YTHDF2: variants seen among roughly 807,000 people sequenced by gnomAD.
YTHDF2 encodes the protein YTH domain-containing family protein 2.
In YTHDF2, 2 loss-of-function variants were observed where a neutral mutation model predicts 50.4. That is an observed-to-expected ratio of 0.04 (90% CI 0.02 to 0.12). YTHDF2 has a LOEUF of 0.12. Among genes scored for constraint, YTHDF2 ranks in the 10% least tolerant of loss-of-function variants. The pLI, the probability that YTHDF2 is intolerant of heterozygous loss-of-function variation, is 1.00. For missense variants in YTHDF2, 483 were observed against 722.6 expected (o/e 0.67, Z 3.80); for synonymous variants, 217 against 255.6 (o/e 0.85, Z 1.44).
chr1:28,744,682 CT>C (rs1036173724), intron 4 of YTHDF2, among the ~76,000 whole-genome samples: 3 of 151,784 alleles, frequency 2.0e-5, no homozygotes, highest in African/African-American at 7.3e-5. Context: ...TTTATACTTA[CT>C]TTTTTTTGGA....
Position 28,762,351 on chromosome 1 carries a change from C to G in YTHDF2, c.1717-6578C>G, listed in dbSNP as rs1035073676. Among the ~76,000 whole-genome samples the G allele has an allele frequency of 3.3e-5, 5 of 152,268 alleles. 1 individual carries two copies. The South Asian group carries it at 1.0e-3, about 32-fold the overall frequency. On this transcript the variant is annotated intron_variant, in intron 4 of 4. Transcript: ENST00000373812. ...AGCTTGCAGTGAGTGGAGATTGTGC[C>G]ACGGCACTCCAGTCTGGGCAACAGA...
In YTHDF2 at chr1:28,766,339, ACTCCTGTGCTCAAGCTATCTG is replaced by A. The variant is rs2088215653; in HGVS notation, c.1717-2588_1717-2568del. ...GCCAGGTTGCCCAGGCTGGTCTTGA[ACTCCTGTGCTCAAGCTATCTG>A]CCAGCTTCCGCCTCCCAGAGTGCTG... is the stretch of plus-strand genomic sequence containing the variant. On this transcript the variant is annotated intron_variant, in intron 4 of 4. Coordinates refer to ENST00000373812, the MANE Select transcript of YTHDF2 (RefSeq NM_016258.3). Among the ~76,000 whole-genome samples the A allele has an allele frequency of 2.0e-5, 3 of 151,480 alleles. No homozygotes were observed. The South Asian group carries it at 6.2e-4, about 32-fold the overall frequency.
At chr1:28,740,564 AGTTTAATCT>A (rs1443304676) in intron 3 of YTHDF2, among the ~76,000 whole-genome samples, 4 of 152,284 alleles carry the variant, frequency 2.6e-5, no homozygotes, top group Non-Finnish European at 4.4e-5. Context: ...TAATACTTCA[AGTTTAATCT>A]GTTGATTATA....
intron 4 of YTHDF2, among the ~76,000 whole-genome samples, chr1:28,750,562 T>C (rs1395915699): frequency 6.6e-6 from 1 of 152,138 alleles, no homozygotes; most frequent in Non-Finnish European, 1.5e-5. Context: ...GAAGATGAAT[T>C]TGTCCTTTGA....
Position 28,743,111 on chromosome 1 carries a change from A to G in YTHDF2, c.841A>G (p.Lys281Glu). The G allele has an allele frequency of 6.2e-7, 1 of 1,614,164 alleles. No individual in the cohort carries two copies. The highest frequency in any genetic ancestry group is 8.5e-7 in the Non-Finnish European group (1 of 1,180,030). The change falls in exon 4 of 5, where the codon AAG becomes GAG. Residue 281 changes from lysine to glutamate, a missense_variant. Around this residue, in one of 4 missense-constraint regions of YTHDF2, gnomAD observed 385 missense variants for 475.8 expected, o/e 0.81. Coordinates refer to ENST00000373812, the MANE Select transcript of YTHDF2 (RefSeq NM_016258.3). This position sits in a 1 kb window ranked among gnomAD's most constrained non-coding sequence, Gnocchi z 6.9. ...CATGGATATTGGAACTTGGGATAAC[A>G]AGGGTCCCGTTGCAAAAGCCCCCTC... ...HNMDIGTWDNKGPVAKAPSQA... is the reference protein window; with the variant it reads ...HNMDIGTWDNEGPVAKAPSQA...
At chr1:28,737,281 C>T (rs962641840) in intron 1 of YTHDF2, 134 bp downstream of exon 1, 6 of 1,218,980 alleles carry the variant, frequency 4.9e-6, no homozygotes, top group East Asian at 6.0e-5. Flanking sequence ...TCGGGCCTCT[C>T]AGGCCGGCCG....
chr1:28,749,179 C>CTTTTTT (rs60729215), intron 4 of YTHDF2, among the ~76,000 whole-genome samples: 58 of 107,418 alleles, frequency 5.4e-4, no homozygotes, highest in African/African-American at 1.9e-3. Context: ...TTCTTTCTTC[C>CTTTTTT]TTTTTTTTTT....
Position 28,737,311 on chromosome 1 carries a change from A to T in YTHDF2, c.27+164A>T, listed in dbSNP as rs563065391. ...CGGCCGCGCCCGGCGCCTCTCCCTC[A>T]GCCTGTTCTTCCCGCTTCTCCTCGG... On this transcript the variant is annotated intron_variant, in intron 1 of 4. Transcript: ENST00000373812. 3.8e-4 allele frequency: 340 copies of T among 904,868 alleles called. 1 individual carries two copies. The African/African-American group carries it at 5.3e-3, about 14-fold the overall frequency. 56.1% of individuals were successfully genotyped at this position (904,868 alleles called of 1,614,324 possible). A position where few individuals can be genotyped will look rare whatever the true frequency, so the allele number is the denominator to read the frequency against.
At chr1:28,738,815 C>G (rs536257257) in intron 3 of YTHDF2, among the ~76,000 whole-genome samples, 31 of 152,304 alleles carry the variant, frequency 2.0e-4, no homozygotes, top group African/African-American at 6.5e-4. Flanking sequence ...GGTTCACCTC[C>G]TTAATACCTA....
intron 4 of YTHDF2, among the ~76,000 whole-genome samples, chr1:28,760,271 TTGTG>T (rs28969505): frequency 0.066 from 9,709 of 147,188 alleles, 417 homozygotes; most frequent in Admixed American, 0.1. Context: ...ACATAGTAGG[TTGTG>T]TGTGTGTGTG....
intron 2 of YTHDF2, 91 bp from the exon 3 acceptor site, chr1:28,738,168 G>A: frequency 1.0e-6 from 1 of 990,858 alleles, no homozygotes; most frequent in Non-Finnish European, 1.6e-6. Flanking sequence ...TTGTTAACTA[G>A]TAAGGTTTTT....
rs781558919 is a variant in YTHDF2 at position 28,737,138 on chromosome 1, C to G, written c.18C>G (p.Leu6=). 1.9e-6 allele frequency: 3 copies of G among 1,600,550 alleles called. No individual in the cohort carries two copies. The highest frequency in any genetic ancestry group is 2.6e-6 in the Non-Finnish European group (3 of 1,175,476). ...TGAGAGCCATGTCGGCCAGCAGCCT[C>G]TTGGAGCAGGTACAGGCCCGGCCCG... MSASS[L]LEQRPKGQGN... The change falls in exon 1 of 5, where the codon CTC becomes CTG. Residue 6 remains leucine, a synonymous_variant. Transcript: ENST00000373812.
rs569693049 is a variant in YTHDF2 at position 28,742,627 on chromosome 1, G to T, written c.357G>T (p.Gln119His). 3.1e-6 allele frequency: 5 copies of T among 1,614,082 alleles called. No homozygotes were observed. Among genetic ancestry groups the T allele is most frequent in the Non-Finnish European group, 3.4e-6 (4 of 1,179,990 alleles). ...TAGGTAGCACTCCATTTCTTGGTCA[G>T]CATGGTTTTAATTTCTTTCCCAGTG... is the stretch of plus-strand genomic sequence containing the variant. ...GALGSTPFLGQHGFNFFPSGI... is the reference protein window; with the variant it reads ...GALGSTPFLGHHGFNFFPSGI... Residue 119 changes from glutamine to histidine, a missense_variant, in exon 4 of 5, where the codon CAG (glutamine) becomes CAT (histidine). Physicochemically the swap from Gln to His is conservative, Grantham distance 24. Around this residue, in one of 4 missense-constraint regions of YTHDF2, gnomAD observed 385 missense variants for 475.8 expected, o/e 0.81. Transcript: ENST00000373812.
chr1:28,736,919 C>G, upstream of YTHDF2: 1 of 583,516 alleles, frequency 1.7e-6, no homozygotes, highest in Non-Finnish European at 2.9e-6. Flanking sequence ...AGCATAGAGA[C>G]GGGCATTGAG....
intron 4 of YTHDF2, among the ~76,000 whole-genome samples, chr1:28,749,838 TTGAGTTAC>T (rs1363262190): frequency 6.6e-6 from 1 of 151,696 alleles, no homozygotes; most frequent in East Asian, 1.9e-4. Context: ...GAGGAGAGAG[TTGAGTTAC>T]AGAGGAAGTG....
chr1:28,761,661 C>T (rs573409712), intron 4 of YTHDF2, among the ~76,000 whole-genome samples: 5 of 152,060 alleles, frequency 3.3e-5, no homozygotes, highest in African/African-American at 4.8e-5. Flanking sequence ...CGCTTGAACC[C>T]GGGAAGTGGA....
At chr1:28,767,848 G>T (rs1044071322) in intron 4 of YTHDF2, among the ~76,000 whole-genome samples, 5 of 70 alleles carry the variant, frequency 0.071, no homozygotes, top group East Asian at 0.5. Context: ...CACCATGTTG[G>T]CCAGGATGTC....
intron 3 of YTHDF2, among the ~76,000 whole-genome samples, chr1:28,741,689 C>A (rs1488392360): frequency 6.6e-6 from 1 of 152,174 alleles, no homozygotes; most frequent in Non-Finnish European, 1.5e-5. Flanking sequence ...AGATAGTTTG[C>A]CAAGAGGCTA....
intron 3 of YTHDF2, 105 bp downstream of exon 3, chr1:28,738,443 T>C: frequency 6.7e-6 from 7 of 1,048,698 alleles, no homozygotes; most frequent in Admixed American, 2.6e-5. Flanking sequence ...TTTTTTCTTT[T>C]TTCTGTTTTC....
Sources: allele counts gnomAD v4.1 joint callset (sites outside exome capture counted in the v4.1 genomes callset), GRCh38; gene constraint gnomAD v4.1.1; regional missense constraint gnomAD v4.1.1; non-coding constraint Gnocchi (gnomAD v3.1); transcripts MANE v1.5; gene names NCBI Gene and HGNC (gene_info 2026-07-23, HGNC 2026-07-21).